MAP6: variants seen among roughly 807,000 people sequenced by gnomAD.
MAP6 encodes the protein microtubule-associated protein 6.
MAP6 carries 26 observed loss-of-function variants against 42.4 expected under a neutral mutation model. The ratio of observed to expected loss-of-function variants is 0.61; its 90% CI spans 0.45 to 0.85. The LOEUF (loss-of-function observed/expected upper bound fraction) is 0.85. Among genes scored for constraint, MAP6 ranks in the 40% least tolerant of loss-of-function variants. MAP6 has a pLI of 0.00. For synonymous variants in MAP6, 418 were observed against 443.8 expected (o/e 0.94, Z 0.73); for missense variants, 966 against 1,099.0 (o/e 0.88, Z 1.71).
rs1243227715 is a variant in MAP6 at position 75,587,227 on chromosome 11, C to T, written c.2274G>A (p.Lys758=). The change falls in exon 4 of 4, where the codon AAG becomes AAA. Residue 758 remains lysine, a synonymous_variant. Transcript: ENST00000304771. ...NQVPIVPVPL[K]DQDPLVPVPA... ...GTACTGGCACCAGAGGATCTTGATCCTTCAGAGGCACTGGGACTATAGGAA... is the reference window on the plus strand; with the variant it reads ...GTACTGGCACCAGAGGATCTTGATCTTTCAGAGGCACTGGGACTATAGGAA... The T allele has an allele frequency of 5.0e-6, 8 of 1,613,998 alleles. No individual in the cohort carries two copies. Among genetic ancestry groups the T allele is most frequent in the Non-Finnish European group, 6.8e-6 (8 of 1,180,014 alleles).
In MAP6 at chr11:75,667,785, C is replaced by A. The variant is rs1221742678; in HGVS notation, c.585G>T (p.Lys195Asn). The change falls in exon 1 of 4, where the codon AAG becomes AAT. Residue 195 changes from lysine (K) to asparagine (N), a missense_variant. Transcript: ENST00000304771. The surrounding 1 kb of genome is among the most constrained non-coding windows in gnomAD (Gnocchi z 5.6). ...QASAPILGAP[K>N]RRPQSQERWP... is the part of the protein sequence containing the mutation. ...AGCGCTCCTGGCTCTGCGGCCGGCG[C>A]TTGGGCGCCCCGAGAATGGGCGCCG... is the stretch of plus-strand genomic sequence containing the variant. 1 of 1,307,000 alleles carries A rather than the reference C, an allele frequency of 7.7e-7. No homozygotes were observed. Among genetic ancestry groups the A allele is most frequent in the Non-Finnish European group, 9.7e-7 (1 of 1,026,926 alleles). The allele number at this position is 1,307,000 out of a possible 1,614,324, so 81.0% of individuals were successfully genotyped here. A position where few individuals can be genotyped will look rare whatever the true frequency, so the allele number is the denominator to read the frequency against.
chr11:75,593,698 G>A (rs1026321452), intron 3 of MAP6, among the ~76,000 whole-genome samples: 3 of 152,236 alleles, frequency 2.0e-5, no homozygotes, highest in African/African-American at 7.2e-5. Context: ...CTGCCTTCCA[G>A]GGAAAGTGTG....
At chr11:75,649,830 C>T (rs1416776296) in intron 1 of MAP6, among the ~76,000 whole-genome samples, 1 of 152,102 alleles carries the variant, frequency 6.6e-6, no homozygotes, top group African/African-American at 2.4e-5. Context: ...TGAGCCACCG[C>T]ACCCAGCCTC....
Position 75,594,136 on chromosome 11 carries a change from C to T in MAP6, c.1317-5952G>A, listed in dbSNP as rs76709403. The T allele has an allele frequency of 7.9e-5, 12 of 152,338 alleles. No homozygotes were observed. The East Asian group carries it at 2.1e-3, about 27-fold the overall frequency. 9.4% of individuals were successfully genotyped at this position (152,338 alleles called of 1,614,324 possible). ...GACCCAGAATGGACAAGTGATTCTC[C>T]AGGTCCAGGACTAAAACATGGGCCT... On this transcript the variant is annotated intron_variant, in intron 3 of 3. Coordinates refer to ENST00000304771, the MANE Select transcript of MAP6 (RefSeq NM_033063.2).
intron 1 of MAP6, among the ~76,000 whole-genome samples, chr11:75,626,917 CAGAG>C (rs1943207914): frequency 1.3e-5 from 2 of 152,182 alleles, no homozygotes. Context: ...CCCATAGAAA[CAGAG>C]GGAGGTGAGG....
chr11:75,588,913 C>T (rs1942424704), intron 3 of MAP6, among the ~76,000 whole-genome samples: 2 of 152,298 alleles, frequency 1.3e-5, no homozygotes, highest in East Asian at 1.9e-4. Flanking sequence ...CAGCTCCTGA[C>T]CTCAAGTGAT....
In MAP6 at chr11:75,667,023, T is replaced by C. The variant is rs1020485400; in HGVS notation, c.905+442A>G. Among the ~76,000 whole-genome samples, 2 of 152,120 alleles carry C rather than the reference T, an allele frequency of 1.3e-5. No individual in the cohort carries two copies. The highest frequency in any genetic ancestry group is 2.4e-5 in the African/African-American group (1 of 41,420). ...GGAAAGAATGAAGGGCCAAGGGAAC[T>C]GGGCTAGGGAGGAGGGCGAGAGGCC... On this transcript the variant is annotated intron_variant, in intron 1 of 3. Transcript: ENST00000304771. This position sits in a 1 kb window ranked among gnomAD's most constrained non-coding sequence, Gnocchi z 5.6.
chr11:75,605,746 A>T (rs1942752159), intron 3 of MAP6, 62 bp downstream of exon 3: 2 of 1,576,036 alleles, frequency 1.3e-6, no homozygotes, highest in African/African-American at 2.7e-5. Flanking sequence ...TTGGTTTAAA[A>T]AAAAAAAGTT....
chr11:75,599,595 G>A (rs1942634589), intron 3 of MAP6, among the ~76,000 whole-genome samples: 1 of 152,226 alleles, frequency 6.6e-6, no homozygotes, highest in African/African-American at 2.4e-5. Context: ...TTTTCCCTCA[G>A]TTTGTATCCG....
intron 1 of MAP6, among the ~76,000 whole-genome samples, chr11:75,663,733 T>C (rs1318801594): frequency 3.3e-5 from 5 of 152,228 alleles, no homozygotes. Context: ...ATTGCTGGGA[T>C]TGACCCAAAA....
In MAP6 at chr11:75,599,703, T is replaced by C. The variant is rs142492339; in HGVS notation, c.1316+6105A>G. On this transcript the variant is annotated intron_variant, in intron 3 of 3. Transcript: ENST00000304771. ...CTGTGGGGTATGGGCTTAGTTTTTA[T>C]TGGGGGGTCCCACTTGTCTGAAACC... Among the ~76,000 whole-genome samples, 559 of 152,282 alleles carry C rather than the reference T, an allele frequency of 3.7e-3. 6 individuals are homozygous for C. The highest frequency in any genetic ancestry group is 0.013 in the African/African-American group (532 of 41,552).
In MAP6 at chr11:75,587,244, C is replaced by T; in HGVS notation, c.2257G>A (p.Val753Ile). 1 of 1,614,088 alleles carries T rather than the reference C, an allele frequency of 6.2e-7. No individual in the cohort carries two copies. Among genetic ancestry groups the T allele is most frequent in the Non-Finnish European group, 8.5e-7 (1 of 1,180,008 alleles). ...TCTTGATCCTTCAGAGGCACTGGGACTATAGGAACTTGATTCTTCAGAGGT... is the reference window on the plus strand; with the variant it reads ...TCTTGATCCTTCAGAGGCACTGGGATTATAGGAACTTGATTCTTCAGAGGT... ...PEPLKNQVPIVPVPLKDQDPL... is the reference protein window; with the variant it reads ...PEPLKNQVPIIPVPLKDQDPL... The change falls in exon 4 of 4, where the codon GTC becomes ATC. Residue 753 changes from valine to isoleucine, a missense_variant. Val to Ile is a conservative substitution (Grantham distance 29). Transcript: ENST00000304771.
At chr11:75,651,475 A>T (rs1352555375) in intron 1 of MAP6, among the ~76,000 whole-genome samples, 1 of 152,140 alleles carries the variant, frequency 6.6e-6, no homozygotes, top group Non-Finnish European at 1.5e-5. Flanking sequence ...AGATCCTGGC[A>T]TGTTGATGAT....
At position 75,668,298 on chromosome 11, in the gene MAP6, G is replaced by A; in HGVS notation, c.72C>T (p.Ile24=). The A allele has an allele frequency of 3.2e-6, 5 of 1,570,402 alleles. No homozygotes were observed. The highest frequency in any genetic ancestry group is 2.5e-5 in the East Asian group (1 of 40,222). ...RFWNQLDKAD[I]AVPLVFTKYS... ...ACTTGGTGAAAACCAGCGGCACAGC[G>A]ATGTCCGCTTTGTCCAACTGGTTCC... The change falls in exon 1 of 4, where the codon ATC becomes ATT. Residue 24 remains isoleucine, a synonymous_variant. Coordinates refer to ENST00000304771, the MANE Select transcript of MAP6 (RefSeq NM_033063.2).
At chr11:75,605,036 G>A (rs1044002483) in intron 3 of MAP6, 5 of 985,484 alleles carry the variant, frequency 5.1e-6, no homozygotes, top group Admixed American at 1.2e-4. Flanking sequence ...GTGGTCGGCC[G>A]AGGAGAATCA....
chr11:75,621,084 T>C (rs1943101954), intron 1 of MAP6, among the ~76,000 whole-genome samples: 1 of 151,768 alleles, frequency 6.6e-6, no homozygotes, highest in Non-Finnish European at 1.5e-5. Context: ...TGAGCCAAGG[T>C]TGTGCCACTG....
At chr11:75,661,739 T>A (rs908022204) in intron 1 of MAP6, among the ~76,000 whole-genome samples, 4 of 152,038 alleles carry the variant, frequency 2.6e-5, no homozygotes, top group Non-Finnish European at 5.9e-5. Flanking sequence ...ATGATAAAAC[T>A]TTAGAAACTT....
At chr11:75,590,219 G>C (rs910400304) in intron 3 of MAP6, among the ~76,000 whole-genome samples, 5 of 152,192 alleles carry the variant, frequency 3.3e-5, no homozygotes, top group African/African-American at 1.2e-4. Context: ...TCAGAACAGA[G>C]CCAAGCAGGA....
At chr11:75,638,468 T>C (rs1217196609) in intron 1 of MAP6, 1 of 152,228 alleles carries the variant, frequency 6.6e-6, no homozygotes, top group Non-Finnish European at 1.5e-5. Flanking sequence ...ATGAGGCCTC[T>C]GGTTGTTGTA....
Sources: allele counts gnomAD v4.1 joint callset (sites outside exome capture counted in the v4.1 genomes callset), GRCh38; gene constraint gnomAD v4.1.1; non-coding constraint Gnocchi (gnomAD v3.1); transcripts MANE v1.5; gene names NCBI Gene and HGNC (gene_info 2026-07-23, HGNC 2026-07-21).